RIMS1: variants seen among roughly 807,000 people sequenced by gnomAD.
RIMS1 encodes regulating synaptic membrane exocytosis protein 1.
RIMS1 carries 83 observed loss-of-function variants against 214.1 expected under a neutral mutation model. That is an observed-to-expected ratio of 0.39 (90% CI 0.32 to 0.47). The LOEUF (loss-of-function observed/expected upper bound fraction) is 0.47, where lower values mean the gene tolerates loss of function less well. Ranked by LOEUF, RIMS1 falls within the 20% of genes least tolerant of loss-of-function variation. The probability of loss-of-function intolerance (pLI) is 0.99; values close to 1 mark genes in which losing one functional copy is unlikely to be tolerated. For missense variants in RIMS1, 2,050 were observed against 2,161.8 expected, an observed-to-expected ratio of 0.95 and a Z score of 1.03; for synonymous variants, 793 against 786.8, an observed-to-expected ratio of 1.01 and a Z score of -0.13.
chr6:72,101,406 T>G (rs1425591581), intron 4 of RIMS1, among the ~76,000 whole-genome samples: 1 of 152,018 alleles, frequency 6.6e-6, no homozygotes, highest in East Asian at 1.9e-4. Flanking sequence ...CCATTTTAGC[T>G]TATTGAAGGA....
chr6:72,291,881 C>A, intron 25 of RIMS1, 53 bp from the exon 26 acceptor site: 1 of 1,346,412 alleles, frequency 7.4e-7, no homozygotes, highest in Non-Finnish European at 1.0e-6. Flanking sequence ...AGATTTTTGT[C>A]AGACCACATT....
intron 6 of RIMS1, among the ~76,000 whole-genome samples, chr6:72,208,428 A>G (rs1206024972): frequency 6.6e-6 from 1 of 152,206 alleles, no homozygotes; most frequent in Non-Finnish European, 1.5e-5. Flanking sequence ...ATCAATTATT[A>G]AAGTTACAAA....
At chr6:72,102,803 G>A (rs950402603) in intron 4 of RIMS1, among the ~76,000 whole-genome samples, 1 of 151,996 alleles carries the variant, frequency 6.6e-6, no homozygotes, top group African/African-American at 2.4e-5. Context: ...AGCATTAAAG[G>A]CAACCAAGAA....
intron 23 of RIMS1, 137 bp from the exon 24 acceptor site, chr6:72,283,910 A>C: frequency 3.3e-6 from 2 of 599,792 alleles, no homozygotes; most frequent in Non-Finnish European, 2.9e-6. Flanking sequence ...TTGTTTATTT[A>C]GTTTTGAAAA....
chr6:72,142,185 A>G (rs76356568), intron 4 of RIMS1, among the ~76,000 whole-genome samples: 1,694 of 151,982 alleles, frequency 0.011, 10 homozygotes, highest in Non-Finnish European at 0.017. Flanking sequence ...CTCTTCTGGC[A>G]GAAAAAAAAA....
intron 4 of RIMS1, among the ~76,000 whole-genome samples, chr6:72,170,631 G>A (rs1245999860): frequency 1.3e-5 from 2 of 152,050 alleles, no homozygotes; most frequent in Non-Finnish European, 2.9e-5. Context: ...ACTGCACCCA[G>A]CCTACCATTA....
chr6:72,172,015 T>C (rs2047099116), intron 4 of RIMS1, among the ~76,000 whole-genome samples: 1 of 151,956 alleles, frequency 6.6e-6, no homozygotes, highest in Admixed American at 6.6e-5. Flanking sequence ...ATCTTTATGA[T>C]AACAGAAAAA....
intron 23 of RIMS1, among the ~76,000 whole-genome samples, chr6:72,281,355 T>C (rs2090029272): frequency 6.6e-6 from 1 of 152,148 alleles, no homozygotes; most frequent in African/African-American, 2.4e-5. Context: ...TCATAATCAC[T>C]GTTACAACAA....
chr6:72,111,200 C>T (rs1243745096), intron 4 of RIMS1, among the ~76,000 whole-genome samples: 1 of 152,046 alleles, frequency 6.6e-6, no homozygotes, highest in Non-Finnish European at 1.5e-5. Flanking sequence ...CTTTCTTTAT[C>T]CTTGATCATT....
intron 29 of RIMS1, among the ~76,000 whole-genome samples, chr6:72,383,607 C>T (rs2098531815): frequency 1.4e-5 from 1 of 69,550 alleles, no homozygotes; most frequent in Admixed American, 1.5e-4. Flanking sequence ...GACCCCATCT[C>T]TAAAAAAAAA....
intron 2 of RIMS1, among the ~76,000 whole-genome samples, chr6:71,975,197 A>G (rs894546588): frequency 6.6e-6 from 1 of 152,194 alleles, no homozygotes; most frequent in Non-Finnish European, 1.5e-5. Context: ...TAAACAATCT[A>G]TAGTGGGTAT....
At position 72,256,048 on chromosome 6, in the gene RIMS1, T is replaced by G. The variant is rs533714805; in HGVS notation, c.2771-2077T>G. On this transcript the variant is annotated intron_variant, in intron 16 of 33. Transcript: ENST00000521978. ...TGAAAAAAAAAAAAAAAAAAAAAAT[T>G]TAATCCCAGTCATGGTTCTGAAGAT... 4.9e-5 allele frequency among the ~76,000 whole-genome samples: 7 copies of G among 141,584 alleles called. No individual in the cohort carries two copies. The East Asian group carries it at 1.5e-3, about 30-fold the overall frequency. The allele number at this position is 141,584 out of a possible 152,430, so 92.9% of individuals were successfully genotyped here. A position where few individuals can be genotyped will look rare whatever the true frequency, so the allele number is the denominator to read the frequency against.
intron 29 of RIMS1, among the ~76,000 whole-genome samples, chr6:72,389,299 T>C (rs2098664609): frequency 6.6e-6 from 1 of 152,208 alleles, no homozygotes; most frequent in South Asian, 2.1e-4. Context: ...CATTCAATGT[T>C]GGCAATTTCT....
intron 29 of RIMS1, among the ~76,000 whole-genome samples, chr6:72,348,175 A>T (rs984685435): frequency 6.6e-6 from 1 of 151,914 alleles, no homozygotes; most frequent in South Asian, 2.1e-4. Flanking sequence ...AAATAAAAAC[A>T]TGTTTTTTAA....
intron 11 of RIMS1, 138 bp downstream of exon 11, chr6:72,245,999 A>G: frequency 1.8e-6 from 1 of 570,670 alleles, no homozygotes; most frequent in Admixed American, 3.1e-5. Context: ...AGATGTTGGC[A>G]ATGATGGCAA....
At chr6:71,937,476 CTCCTGGGCTCAAGCAGTCTGCCT>C (rs1421222135) in intron 1 of RIMS1, among the ~76,000 whole-genome samples, 1 of 152,122 alleles carries the variant, frequency 6.6e-6, no homozygotes, top group East Asian at 1.9e-4. Flanking sequence ...TGGTTTCAAA[CTCCTGGGCTCAAGCAGTCTGCCT>C]TCCTGGGCCT....
chr6:72,292,686 C>T (rs915873594), intron 26 of RIMS1, among the ~76,000 whole-genome samples: 2 of 152,042 alleles, frequency 1.3e-5, no homozygotes, highest in African/African-American at 2.4e-5. Flanking sequence ...TTAGACACTA[C>T]GTTAAAATAG....
chr6:72,129,474 TA>T (rs1016711584), intron 4 of RIMS1, among the ~76,000 whole-genome samples: 6 of 152,140 alleles, frequency 3.9e-5, no homozygotes, highest in African/African-American at 1.2e-4. Flanking sequence ...TGCTTACTTG[TA>T]AAAATAAGAA....
At chr6:72,289,985 A>G (rs2093083126) in intron 24 of RIMS1, among the ~76,000 whole-genome samples, 1 of 152,210 alleles carries the variant, frequency 6.6e-6, no homozygotes, top group Admixed American at 6.5e-5. Flanking sequence ...TAAACGCCAT[A>G]GTAATATAGT....
Sources: allele counts gnomAD v4.1 joint callset (sites outside exome capture counted in the v4.1 genomes callset), GRCh38; gene constraint gnomAD v4.1.1; transcripts MANE v1.5; gene names NCBI Gene and HGNC (gene_info 2026-07-23, HGNC 2026-07-21).